Variants in DMD observed in about 807,000 individuals in gnomAD.
DMD encodes dystrophin.
Under a neutral mutation model 330.1 loss-of-function variants are expected in DMD, and 63 were observed. The observed-to-expected ratio is 0.19, with a 90% CI of 0.16 to 0.24. DMD has a LOEUF of 0.24. Among genes scored for constraint, DMD ranks in the 10% least tolerant of loss-of-function variants. DMD has a pLI of 1.00. For synonymous variants in DMD, 1,223 were observed against 959.8 expected (o/e 1.27, Z -5.07); for missense variants, 3,344 against 2,684.1 (o/e 1.25, Z -5.43).
chrX:32,586,348 A>G (rs1426771417), intron 13 of DMD, among the ~76,000 whole-genome samples: 1 of 108,917 alleles, frequency 9.2e-6, no homozygotes, highest in Non-Finnish European at 1.9e-5. Flanking sequence ...TAAACTATAT[A>G]CATATATAAA....
intron 55 of DMD, among the ~76,000 whole-genome samples, chrX:31,617,579 G>A (rs2148347646): frequency 9.6e-6 from 1 of 104,705 alleles, no homozygotes; most frequent in South Asian, 4.4e-4. Flanking sequence ...AATACCAGAT[G>A]CTGGTGAGGT....
At chrX:32,721,861 T>G (rs1306537365) in intron 7 of DMD, among the ~76,000 whole-genome samples, 3 of 109,872 alleles carry the variant, frequency 2.7e-5, no homozygotes, top group African/African-American at 9.9e-5. Context: ...ACTTAATTTT[T>G]GTGTACAGTA....
chrX:32,114,401 C>T (rs2096601479), intron 44 of DMD, among the ~76,000 whole-genome samples: 1 of 111,828 alleles, frequency 8.9e-6, no homozygotes, highest in African/African-American at 3.2e-5. Context: ...ATTTTATGAT[C>T]GCCTGTTCCT....
chrX:31,521,756 A>T (rs1359280795), intron 55 of DMD, among the ~76,000 whole-genome samples: 9 of 111,719 alleles, frequency 8.1e-5, no homozygotes, highest in Non-Finnish European at 1.7e-4. Context: ...ATATTCACCA[A>T]CAGGAGAATG....
At chrX:31,330,306 G>T (rs2057049319) in intron 61 of DMD, among the ~76,000 whole-genome samples, 1 of 111,372 alleles carries the variant, frequency 9.0e-6, no homozygotes, top group South Asian at 3.8e-4. Flanking sequence ...TAGAACTGCT[G>T]TCAAAGAAAA....
At chrX:32,301,222 T>TAAAAAAAAAAAAA (rs56329666) in intron 42 of DMD, among the ~76,000 whole-genome samples, 10 of 74,578 alleles carry the variant, frequency 1.3e-4, no homozygotes, top group Non-Finnish European at 2.3e-4. Context: ...TGCATACATC[T>TAAAAAAAAAAAAA]AAAAAAAAAA....
At chrX:33,083,945 G>A (rs769923754) in intron 1 of DMD, among the ~76,000 whole-genome samples, 1 of 110,919 alleles carries the variant, frequency 9.0e-6, no homozygotes, top group South Asian at 3.9e-4. Flanking sequence ...AACCAGTCAG[G>A]AGAATGAAGC....
chrX:32,646,706 A>T (rs1332453290), intron 9 of DMD, among the ~76,000 whole-genome samples: 19 of 111,557 alleles, frequency 1.7e-4, no homozygotes. Context: ...TAAATGCTCA[A>T]ATTTTGAAAA....
chrX:33,077,846 C>CTTTTG (rs1258995190), intron 1 of DMD, among the ~76,000 whole-genome samples: 5 of 112,327 alleles, frequency 4.5e-5, no homozygotes, highest in African/African-American at 1.6e-4. Flanking sequence ...TATAGATTTT[C>CTTTTG]TTTTGAAGCA....
chrX:32,935,167 A>C (rs1195967633), intron 2 of DMD, among the ~76,000 whole-genome samples: 1 of 112,654 alleles, frequency 8.9e-6, no homozygotes, highest in Admixed American at 9.3e-5. Flanking sequence ...TTTAGTAGAG[A>C]CGGGGTTTCA....
In DMD at chrX:32,412,248, C is replaced by T. The variant is rs992974355; in HGVS notation, c.4072-335G>A. The stretch of plus-strand genomic sequence containing the variant: ...TCTCAGGTCGAATGTTCCTCCTGAT[C>T]TCATTATATAGTTCAAGAGATTTGG... On this transcript the variant is annotated intron_variant, in intron 29 of 78. Coordinates refer to ENST00000357033, the MANE Select transcript of DMD (RefSeq NM_004006.3). The T allele has an allele frequency of 5.0e-6, 5 of 1,002,916 alleles. No homozygotes were observed. In the African/African-American group the frequency reaches 7.8e-5, roughly 16 times the overall value. 82.7% of individuals were successfully genotyped at this position (1,002,916 alleles called of 1,213,427 possible). A position where few individuals can be genotyped will look rare whatever the true frequency, so the allele number is the denominator to read the frequency against.
At chrX:33,244,028 G>A (rs754586529) in intron 1 of DMD, among the ~76,000 whole-genome samples, 132 of 111,814 alleles carry the variant, frequency 1.2e-3, no homozygotes, top group African/African-American at 4.2e-3. Context: ...ATAAAAATAG[G>A]GGTTCTATAA....
chrX:32,419,105 A>C (rs1470826335), intron 29 of DMD, among the ~76,000 whole-genome samples: 1 of 110,833 alleles, frequency 9.0e-6, no homozygotes, highest in Non-Finnish European at 1.9e-5. Flanking sequence ...GTTAAGTAAT[A>C]GATCCTTTAA....
At chrX:31,313,520 G>T (rs1486745919) in intron 62 of DMD, among the ~76,000 whole-genome samples, 5 of 111,931 alleles carry the variant, frequency 4.5e-5, no homozygotes, top group African/African-American at 1.3e-4. Context: ...TATTTTATTT[G>T]ATTTATTTAT....
intron 7 of DMD, among the ~76,000 whole-genome samples, chrX:32,778,815 A>T (rs2074423355): frequency 9.0e-6 from 1 of 111,249 alleles, no homozygotes; most frequent in South Asian, 3.8e-4. Context: ...AATCCAGGTT[A>T]ATCTCCCTCC....
chrX:32,627,093 C>T (rs1204773082), intron 11 of DMD, among the ~76,000 whole-genome samples: 1 of 102,348 alleles, frequency 9.8e-6, no homozygotes, highest in African/African-American at 4.2e-5. Flanking sequence ...AAAAACTATC[C>T]AACCAGGTAA....
At chrX:32,826,130 T>C (rs1351517530) in intron 4 of DMD, among the ~76,000 whole-genome samples, 2 of 111,474 alleles carry the variant, frequency 1.8e-5, no homozygotes, top group African/African-American at 6.5e-5. Flanking sequence ...AAATGCAAAT[T>C]AAAACTACAA....
Position 31,955,335 on chromosome X carries a change from G to A in DMD, c.6614+13004C>T, listed in dbSNP as rs1285541701. On this transcript the variant is annotated intron_variant, in intron 45 of 78. Coordinates refer to ENST00000357033, the MANE Select transcript of DMD (RefSeq NM_004006.3). ...ACTTTCTTATTTGTTCTACCCTGTC[G>A]TCACTATTAGCTGCTTTGTTCACAT... Among the ~76,000 whole-genome samples, 4 of 112,033 alleles carry A rather than the reference G, an allele frequency of 3.6e-5. No homozygotes were observed. The South Asian group carries it at 1.1e-3, about 31-fold the overall frequency.
intron 52 of DMD, among the ~76,000 whole-genome samples, chrX:31,718,421 G>A (rs769448135): frequency 8.1e-5 from 9 of 111,140 alleles, no homozygotes; most frequent in Non-Finnish European, 1.7e-4. Flanking sequence ...AATGAGGATA[G>A]TTGATTGTTA....
Sources: allele counts gnomAD v4.1 joint callset (sites outside exome capture counted in the v4.1 genomes callset), GRCh38; gene constraint gnomAD v4.1.1; transcripts MANE v1.5; gene names NCBI Gene and HGNC (gene_info 2026-07-23, HGNC 2026-07-21).